The following IL34 variants were observed in gnomAD, a reference collection of about 807,000 sequenced individuals.
IL34 encodes interleukin 34.
IL34 carries 17 observed loss-of-function variants against 25.3 expected under a neutral mutation model. The ratio of observed to expected loss-of-function variants is 0.67; its 90% CI spans 0.46 to 1.01. The LOEUF (loss-of-function observed/expected upper bound fraction) is 1.01. Among genes scored for constraint, IL34 ranks in the 50% least tolerant of loss-of-function variants. The pLI is 0.00. For missense variants in IL34, 368 were observed against 312.9 expected (o/e 1.18, Z -1.33); for synonymous variants, 174 against 140.9 (o/e 1.23, Z -1.66).
intron 1 of IL34, among the ~76,000 whole-genome samples, chr16:70,648,820 G>A (rs1377933733): frequency 1.3e-5 from 2 of 152,148 alleles, no homozygotes; most frequent in Admixed American, 6.5e-5. Context: ...GACCGGAAGT[G>A]TGAGATCAGG....
intron 1 of IL34, among the ~76,000 whole-genome samples, chr16:70,632,684 G>C (rs1447565319): frequency 6.6e-6 from 1 of 152,102 alleles, no homozygotes; most frequent in Admixed American, 6.6e-5. Flanking sequence ...AGTGAAGGGG[G>C]TATTTTTGCT....
intron 1 of IL34, among the ~76,000 whole-genome samples, chr16:70,587,293 A>T (rs2050706032): frequency 6.6e-6 from 1 of 151,598 alleles, no homozygotes; most frequent in Non-Finnish European, 1.5e-5. Flanking sequence ...TTTTTGAGAC[A>T]GAGTCTCACT....
intron 1 of IL34, among the ~76,000 whole-genome samples, chr16:70,600,293 CT>C (rs2050896581): frequency 6.6e-6 from 1 of 152,194 alleles, no homozygotes; most frequent in Non-Finnish European, 1.5e-5. Context: ...CCAATCACCT[CT>C]TTCATTTATT....
chr16:70,582,483 A>G (rs1361240400), intron 1 of IL34, among the ~76,000 whole-genome samples: 1 of 152,244 alleles, frequency 6.6e-6, no homozygotes, highest in Non-Finnish European at 1.5e-5. Context: ...TCCTGGCCAC[A>G]CCACTTTCCA....
chr16:70,633,505 T>G (rs997409752), intron 1 of IL34, among the ~76,000 whole-genome samples: 1 of 152,136 alleles, frequency 6.6e-6, no homozygotes, highest in African/African-American at 2.4e-5. Flanking sequence ...CCTCAAATGA[T>G]CCTCCAACCT....
intron 1 of IL34, among the ~76,000 whole-genome samples, chr16:70,612,498 G>A (rs1055776126): frequency 1.3e-5 from 2 of 152,232 alleles, no homozygotes; most frequent in African/African-American, 4.8e-5. Context: ...TTACTCCAGA[G>A]ACTTTAGTTT....
chr16:70,659,788 G>T, intron 5 of IL34, 35 bp downstream of exon 5: 1 of 1,576,348 alleles, frequency 6.3e-7, no homozygotes, highest in South Asian at 1.1e-5. Flanking sequence ...CCTGGGGGTG[G>T]GAGGCCAGGC....
In IL34 at chr16:70,630,623, G is replaced by A. The variant is rs149396853; in HGVS notation, c.-400-15925G>A. Among the ~76,000 whole-genome samples, 893 of 149,596 alleles carry A rather than the reference G, an allele frequency of 6.0e-3. 8 individuals carry two copies. Among genetic ancestry groups the A allele is most frequent in the Middle Eastern group, 0.017 (5 of 290 alleles). On this transcript the variant is annotated intron_variant, in intron 1 of 6. Coordinates refer to the IL34 transcript ENST00000429149. ...AGGTAGGGTCTCATTCTGTCACCCAGGCATGATCAGTGCAATCATGGCTCA... is the reference window on the plus strand; with the variant it reads ...AGGTAGGGTCTCATTCTGTCACCCAAGCATGATCAGTGCAATCATGGCTCA...
chr16:70,603,784 G>A (rs1354778417), intron 1 of IL34, among the ~76,000 whole-genome samples: 3 of 152,014 alleles, frequency 2.0e-5, no homozygotes, highest in Admixed American at 6.6e-5. Context: ...TTCTCATCAT[G>A]TTGCCCAGGC....
At chr16:70,634,703 A>G (rs1273064984) in intron 1 of IL34, among the ~76,000 whole-genome samples, 2 of 151,836 alleles carry the variant, frequency 1.3e-5, no homozygotes, top group Non-Finnish European at 2.9e-5. Flanking sequence ...AAAATTTCCA[A>G]AGTTCCCTAA....
chr16:70,581,822 T>C (rs2050638583), intron 1 of IL34, among the ~76,000 whole-genome samples: 1 of 152,136 alleles, frequency 6.6e-6, no homozygotes, highest in Non-Finnish European at 1.5e-5. Context: ...GTGGCTCATG[T>C]CTGTAAGCCT....
At chr16:70,654,742 A>T (rs2052171440) in intron 2 of IL34, 71 bp downstream of exon 2, 1 of 1,512,768 alleles carries the variant, frequency 6.6e-7, no homozygotes, top group Admixed American at 2.0e-5. Flanking sequence ...GCCTCTGGAC[A>T]TTCAGAGCCC....
intron 1 of IL34, among the ~76,000 whole-genome samples, chr16:70,626,044 C>A (rs1460253949): frequency 6.6e-6 from 1 of 152,250 alleles, no homozygotes; most frequent in Non-Finnish European, 1.5e-5. Flanking sequence ...GAGACCACCA[C>A]ACAGGCTTTG....
chr16:70,608,947 G>C (rs1365175549), intron 1 of IL34, among the ~76,000 whole-genome samples: 1 of 152,216 alleles, frequency 6.6e-6, no homozygotes, highest in Non-Finnish European at 1.5e-5. Context: ...TCCCTTCTCT[G>C]TAAAATGGGG....
At chr16:70,642,855 A>T (rs1229421917), upstream of IL34, among the ~76,000 whole-genome samples, 1 of 151,102 alleles carries the variant, frequency 6.6e-6, no homozygotes, top group Non-Finnish European at 1.5e-5. Context: ...TTTATATGAA[A>T]TGTCCAGAAT....
chr16:70,657,214 G>C, intron 4 of IL34, 93 bp downstream of exon 4: 1 of 1,353,898 alleles, frequency 7.4e-7, no homozygotes, highest in African/African-American at 1.4e-5. Flanking sequence ...GTGAGGGAAA[G>C]GGTGAATACA....
At chr16:70,624,810 G>A (rs559128245) in intron 1 of IL34, among the ~76,000 whole-genome samples, 2 of 151,904 alleles carry the variant, frequency 1.3e-5, no homozygotes, top group Non-Finnish European at 2.9e-5. Context: ...AGGAAGAATT[G>A]GGACCTAGCT....
chr16:70,587,188 C>T (rs1021729588), intron 1 of IL34, among the ~76,000 whole-genome samples: 15 of 152,200 alleles, frequency 9.9e-5, no homozygotes, highest in Non-Finnish European at 1.9e-4. Flanking sequence ...CCTAGGGTGG[C>T]CACTGAGCCA....
At chr16:70,612,129 A>G (rs2051100275) in intron 1 of IL34, among the ~76,000 whole-genome samples, 1 of 152,238 alleles carries the variant, frequency 6.6e-6, no homozygotes, top group African/African-American at 2.4e-5. Flanking sequence ...GCCAGCCTCC[A>G]ACAGGCCGAT....
Sources: gnomAD v4.1 joint callset for allele counts (sites outside exome capture counted in the v4.1 genomes callset) on GRCh38, gnomAD v4.1.1 for gene constraint, MANE v1.5 for transcripts, NCBI Gene and HGNC (gene_info 2026-07-23, HGNC 2026-07-21) for gene names.